Variants in SRGAP1 observed in about 807,000 individuals in gnomAD.
The protein encoded by SRGAP1 is SLIT-ROBO Rho GTPase activating protein 1.
SRGAP1 carries 43 observed loss-of-function variants against 121.9 expected under a neutral mutation model. The observed-to-expected ratio is 0.35, with a 90% confidence interval of 0.28 to 0.46. The LOEUF is 0.46. Among genes scored for constraint, SRGAP1 ranks in the 20% least tolerant of loss-of-function variants. The pLI is 1.00. For synonymous variants in SRGAP1, 447 were observed against 485.4 expected, an observed-to-expected ratio of 0.92 and a Z score of 1.04; for missense variants, 1,102 against 1,350.9, an observed-to-expected ratio of 0.82 and a Z score of 2.89.
At chr12:64,065,037 G>A (rs2035512829) in intron 7 of SRGAP1, 81 bp from the exon 8 acceptor site, 5 of 936,190 alleles carry the variant, frequency 5.3e-6, no homozygotes, top group Non-Finnish European at 3.3e-6. Context: ...TGTGATTCAT[G>A]CATCATTTAA....
In SRGAP1 at chr12:64,128,087, C is replaced by G. The variant is rs200877785; in HGVS notation, c.2767C>G (p.Arg923Gly). The G allele has an allele frequency of 1.9e-6, 3 of 1,614,120 alleles. No individual in the cohort carries two copies. The African/African-American group carries it at 4.0e-5, about 22-fold the overall frequency. ...PGHGSLTNIS[R>G]HDSLKKIDSP... ...CCATGGCAGCCTGACCAACATCAGC[C>G]GGCACGACTCCCTCAAGAAGATCGA... is the stretch of plus-strand genomic sequence containing the variant. Residue 923 changes from arginine to glycine, a missense_variant, in exon 21 of 22, where the codon CGG becomes GGG. Arg to Gly is a moderately radical substitution (Grantham distance 125, BLOSUM62 -2). Coordinates refer to ENST00000355086, the MANE Select transcript of SRGAP1 (RefSeq NM_020762.4).
intron 2 of SRGAP1, among the ~76,000 whole-genome samples, chr12:63,985,505 C>A (rs192740607): frequency 6.6e-6 from 1 of 152,260 alleles, no homozygotes; most frequent in Non-Finnish European, 1.5e-5. Context: ...AAAGACAGTG[C>A]AGGCTTTCAT....
At chr12:63,940,903 C>T (rs2031842277) in intron 1 of SRGAP1, among the ~76,000 whole-genome samples, 1 of 152,096 alleles carries the variant, frequency 6.6e-6, no homozygotes, top group African/African-American at 2.4e-5. Context: ...AACAACTAGC[C>T]GCTTATCATT....
At chr12:63,864,888 G>A (rs1401034207) in intron 1 of SRGAP1, among the ~76,000 whole-genome samples, 1 of 150,132 alleles carries the variant, frequency 6.7e-6, no homozygotes, top group Non-Finnish European at 1.5e-5. Flanking sequence ...AAACATCTGT[G>A]AAAAAAAAAT....
Position 63,987,905 on chromosome 12 carries a change from C to T in SRGAP1, c.264-2005C>T, listed in dbSNP as rs567579115. On this transcript the variant is annotated intron_variant, in intron 2 of 21. Coordinates refer to ENST00000355086, the MANE Select transcript of SRGAP1 (RefSeq NM_020762.4). ...ATAAGCATTTTAAAATATATGTTAA[C>T]TCCAGTGATTCTCATGAACAATCTT... Among the ~76,000 whole-genome samples, 435 of 152,202 alleles carry T rather than the reference C, an allele frequency of 2.9e-3. 2 individuals are homozygous for T. The highest frequency in any genetic ancestry group is 0.01 in the African/African-American group (418 of 41,528).
At chr12:64,112,846 A>G (rs1336060556) in intron 17 of SRGAP1, among the ~76,000 whole-genome samples, 1 of 152,112 alleles carries the variant, frequency 6.6e-6, no homozygotes, top group African/African-American at 2.4e-5. Context: ...AGTGGATCTC[A>G]TAGAGGTAGA....
intron 3 of SRGAP1, among the ~76,000 whole-genome samples, chr12:63,997,855 C>A (rs770631121): frequency 1.4e-4 from 22 of 152,144 alleles, no homozygotes; most frequent in Non-Finnish European, 2.8e-4. Context: ...AATCAGAGGA[C>A]TTCTGACTAT....
At chr12:63,931,195 T>C (rs2031464202) in intron 1 of SRGAP1, among the ~76,000 whole-genome samples, 2 of 152,380 alleles carry the variant, frequency 1.3e-5, no homozygotes, top group South Asian at 4.1e-4. Flanking sequence ...GACTCAAAAA[T>C]TCATCATTAA....
chr12:63,957,701 A>G (rs1258963806), intron 1 of SRGAP1, among the ~76,000 whole-genome samples: 1 of 152,152 alleles, frequency 6.6e-6, no homozygotes, highest in African/African-American at 2.4e-5. Context: ...GGTGAAACAT[A>G]CGGGCCGATA....
intron 21 of SRGAP1, among the ~76,000 whole-genome samples, chr12:64,138,832 G>A (rs891449096): frequency 6.6e-6 from 1 of 152,114 alleles, no homozygotes; most frequent in Non-Finnish European, 1.5e-5. Context: ...ATGTTGATAT[G>A]AGAGTATTCA....
At chr12:64,011,591 T>C (rs1030650296) in intron 3 of SRGAP1, among the ~76,000 whole-genome samples, 1 of 152,078 alleles carries the variant, frequency 6.6e-6, no homozygotes, top group African/African-American at 2.4e-5. Context: ...TTAAAACATA[T>C]TGGTGAAATT....
intron 18 of SRGAP1, among the ~76,000 whole-genome samples, chr12:64,123,550 A>G (rs2036636314): frequency 6.6e-6 from 1 of 152,194 alleles, no homozygotes; most frequent in Non-Finnish European, 1.5e-5. Flanking sequence ...GATGTTTAAT[A>G]AAGCTGCTAT....
intron 3 of SRGAP1, among the ~76,000 whole-genome samples, chr12:64,004,457 C>T (rs1366615659): frequency 6.6e-6 from 1 of 152,060 alleles, no homozygotes; most frequent in African/African-American, 2.4e-5. Flanking sequence ...CTGCAACTTC[C>T]ACCTTCCGAG....
Position 64,065,170 on chromosome 12 carries a change from A to G in SRGAP1, c.1076A>G (p.Tyr359Cys). ...GTCCAGGCAGAGCTCATGCTCAGGT[A>G]CCAACAGTTGCAGTCCCGCCTTGCC... ...QPVQAELMLR[Y>C]QQLQSRLATL... Residue 359 changes from tyrosine to cysteine, a missense_variant, in exon 8 of 22, where the codon TAC becomes TGC. Tyr to Cys is a radical substitution (Grantham distance 194, BLOSUM62 -2). Coordinates refer to ENST00000355086, the MANE Select transcript of SRGAP1 (RefSeq NM_020762.4). The G allele has an allele frequency of 6.2e-7, 1 of 1,613,794 alleles. No homozygotes were observed. The highest frequency in any genetic ancestry group is 1.1e-5 in the South Asian group (1 of 91,042).
rs142128426 is a variant in SRGAP1 at position 63,910,813 on chromosome 12, C to A, written c.67+65930C>A. ...ATATGTTGTCTTTAAGGGACAGTGC[C>A]TTTTGGGAGATGGGAACAGTGGAGA... is the stretch of plus-strand genomic sequence containing the variant. On this transcript the variant is annotated intron_variant, in intron 1 of 21. Transcript: ENST00000355086. Among the ~76,000 whole-genome samples, 770 of 152,146 alleles carry A rather than the reference C, an allele frequency of 5.1e-3. 4 individuals are homozygous for A. Among genetic ancestry groups the A allele is most frequent in the African/African-American group, 0.018 (732 of 41,478 alleles).
chr12:63,950,880 C>T (rs1193527471), intron 1 of SRGAP1, among the ~76,000 whole-genome samples: 4 of 151,958 alleles, frequency 2.6e-5, no homozygotes, highest in Non-Finnish European at 5.9e-5. Context: ...GTCCTGAGTC[C>T]CCCACTCCAC....
intron 18 of SRGAP1, among the ~76,000 whole-genome samples, chr12:64,121,631 T>C (rs958016702): frequency 6.6e-6 from 1 of 152,136 alleles, no homozygotes; most frequent in African/African-American, 2.4e-5. Context: ...GTTTCTCACA[T>C]GGTTTATTTC....
chr12:64,013,908 C>G (rs559997474), intron 3 of SRGAP1, among the ~76,000 whole-genome samples: 1 of 152,178 alleles, frequency 6.6e-6, no homozygotes, highest in Non-Finnish European at 1.5e-5. Context: ...ACATCAAAGT[C>G]AACTCAAGCC....
intron 1 of SRGAP1, among the ~76,000 whole-genome samples, chr12:63,908,434 A>G (rs2030324293): frequency 6.6e-6 from 1 of 151,814 alleles, no homozygotes; most frequent in African/African-American, 2.4e-5. Context: ...CTTTTTTTTG[A>G]GATGGAGTCT....
Sources: allele counts gnomAD v4.1 joint callset (sites outside exome capture counted in the v4.1 genomes callset), GRCh38; gene constraint gnomAD v4.1.1; transcripts MANE v1.5; gene names NCBI Gene and HGNC (gene_info 2026-07-23, HGNC 2026-07-21).